The following ZDHHC2 variants were observed in gnomAD, a reference collection of about 807,000 sequenced individuals.
The protein encoded by ZDHHC2 is zDHHC palmitoyltransferase 2.
Under a neutral mutation model 55.6 loss-of-function variants are expected in ZDHHC2, and 51 were observed. That is an observed-to-expected ratio of 0.92 (90% CI 0.73 to 1.16). The LOEUF is 1.16. Ranked by LOEUF, ZDHHC2 falls within the 50% of genes most tolerant of loss-of-function variation. ZDHHC2 has a pLI of 0.00. For synonymous variants in ZDHHC2, 199 were observed against 152.9 expected (o/e 1.30, Z -2.22); for missense variants, 491 against 442.4 (o/e 1.11, Z -0.99).
intron 4 of ZDHHC2, among the ~76,000 whole-genome samples, chr8:17,196,334 T>A (rs1430044410): frequency 6.6e-6 from 1 of 152,108 alleles, no homozygotes; most frequent in East Asian, 1.9e-4. Context: ...CAAACTGACA[T>A]GTGCTCTAAG....
intron 1 of ZDHHC2, among the ~76,000 whole-genome samples, chr8:17,160,876 T>G (rs1319175817): frequency 3.9e-5 from 6 of 152,224 alleles, no homozygotes; most frequent in Admixed American, 2.6e-4. Flanking sequence ...ACAAAAATAT[T>G]TGGCCAATCT....
At chr8:17,189,416 A>G (rs1174933336) in intron 3 of ZDHHC2, among the ~76,000 whole-genome samples, 2 of 152,202 alleles carry the variant, frequency 1.3e-5, no homozygotes, top group African/African-American at 2.4e-5. Context: ...GTTAGAATGT[A>G]GGTTCCATAA....
At chr8:17,179,074 C>T (rs1805301252) in intron 1 of ZDHHC2, among the ~76,000 whole-genome samples, 1 of 152,202 alleles carries the variant, frequency 6.6e-6, no homozygotes, top group Non-Finnish European at 1.5e-5. Context: ...CCTCAGCCTC[C>T]CGAGTAGCTG....
At chr8:17,198,780 T>C (rs1806457701) in intron 6 of ZDHHC2, among the ~76,000 whole-genome samples, 1 of 152,190 alleles carries the variant, frequency 6.6e-6, no homozygotes, top group South Asian at 2.1e-4. Context: ...TATAAAGAAT[T>C]AAGTCATCAA....
intron 1 of ZDHHC2, among the ~76,000 whole-genome samples, chr8:17,171,599 A>G (rs539038390): frequency 9.9e-5 from 15 of 152,224 alleles, no homozygotes; most frequent in African/African-American, 3.1e-4. Context: ...CCAGCCTTCA[A>G]TTAGATAAGT....
intron 4 of ZDHHC2, among the ~76,000 whole-genome samples, chr8:17,196,040 CATAT>C (rs1012196495): frequency 3.3e-5 from 5 of 152,078 alleles, no homozygotes; most frequent in African/African-American, 1.2e-4. Flanking sequence ...TTAGAACAGT[CATAT>C]AGGTGATGTA....
At chr8:17,218,420 C>G (rs982344490) in intron 12 of ZDHHC2, among the ~76,000 whole-genome samples, 2 of 151,962 alleles carry the variant, frequency 1.3e-5, no homozygotes, top group Non-Finnish European at 2.9e-5. Flanking sequence ...TTGAAATCAT[C>G]AGTTGCAATA....
intron 3 of ZDHHC2, among the ~76,000 whole-genome samples, chr8:17,189,269 G>A (rs190296829): frequency 3.3e-5 from 5 of 151,652 alleles, no homozygotes; most frequent in Admixed American, 1.3e-4. Flanking sequence ...TGTCTGTGAT[G>A]ACTCAACATA....
At chr8:17,203,804 T>G (rs371386132) in intron 6 of ZDHHC2, among the ~76,000 whole-genome samples, 1 of 102,832 alleles carries the variant, frequency 9.7e-6, no homozygotes, top group Admixed American at 1.4e-4. Context: ...TGGCTTCTTT[T>G]TTTTCTTTTT....
At chr8:17,165,863 G>A (rs912584569) in intron 1 of ZDHHC2, among the ~76,000 whole-genome samples, 2 of 152,178 alleles carry the variant, frequency 1.3e-5, no homozygotes, top group Admixed American at 6.5e-5. Flanking sequence ...ATTTAACCAT[G>A]CGGGTATTGT....
At chr8:17,206,517 G>T (rs898345000) in intron 7 of ZDHHC2, among the ~76,000 whole-genome samples, 1 of 152,110 alleles carries the variant, frequency 6.6e-6, no homozygotes. Context: ...CAAATAACGA[G>T]AATTGATGAC....
intron 6 of ZDHHC2, among the ~76,000 whole-genome samples, chr8:17,198,800 A>G (rs920389928): frequency 2.0e-5 from 3 of 152,226 alleles, no homozygotes; most frequent in Non-Finnish European, 2.9e-5. Context: ...AAAGCTTTTT[A>G]ACAATTTATT....
chr8:17,156,740 C>A lies in ZDHHC2; in HGVS notation c.17C>A (p.Pro6Gln), dbSNP rs750158072. The A allele has an allele frequency of 6.7e-7, 1 of 1,489,856 alleles. No individual in the cohort carries two copies. Among genetic ancestry groups the A allele is most frequent in the South Asian group, 1.3e-5 (1 of 79,362 alleles). 92.3% of individuals were successfully genotyped at this position (1,489,856 alleles called of 1,614,324 possible). ...GGCTGGAAGATGGCGCCCTCGGGCC[C>A]GGGCAGCAGCGCCAGGCGGCGGTGC... MAPSG[P>Q]GSSARRRCRR... The change falls in exon 1 of 13, where the codon CCG (proline) becomes CAG (glutamine). Residue 6 changes from proline (P) to glutamine (Q), a missense_variant. By Grantham distance (76) the Pro-to-Gln change is moderately conservative (BLOSUM62 -1). Transcript: ENST00000262096.
chr8:17,166,225 G>A (rs747649974), intron 1 of ZDHHC2, among the ~76,000 whole-genome samples: 24 of 152,308 alleles, frequency 1.6e-4, no homozygotes, highest in Middle Eastern at 3.4e-3. Flanking sequence ...GTGTGAAACC[G>A]TGGCGTGGGC....
At chr8:17,201,208 G>A (rs145090629) in intron 6 of ZDHHC2, among the ~76,000 whole-genome samples, 70 of 152,128 alleles carry the variant, frequency 4.6e-4, no homozygotes, top group Middle Eastern at 3.4e-3. Flanking sequence ...GATTGTTAAC[G>A]TCATGGCACT....
chr8:17,192,767 T>G (rs1806101394), intron 3 of ZDHHC2, among the ~76,000 whole-genome samples: 1 of 152,258 alleles, frequency 6.6e-6, no homozygotes, highest in Non-Finnish European at 1.5e-5. Flanking sequence ...GTCTTAGATT[T>G]AAGTCTTTAA....
chr8:17,215,238 C>T lies in ZDHHC2; in HGVS notation c.952C>T (p.Leu318Phe). The T allele has an allele frequency of 6.3e-7, 1 of 1,582,018 alleles. No homozygotes were observed. Reference protein sequence around the residue: ...PAGLNSTAKNLENHQFPAKPL... With the variant: ...PAGLNSTAKNFENHQFPAKPL... ...GATGATTATTCAATTATTATTCAGTCTCGAAAACCATCAGTTTCCTGCAAA... is the reference window on the plus strand; with the variant it reads ...GATGATTATTCAATTATTATTCAGTTTCGAAAACCATCAGTTTCCTGCAAA... The change falls in exon 11 of 13, where the codon CTC becomes TTC. Residue 318 changes from leucine (L) to phenylalanine (F), a missense_variant and splice_region_variant. Transcript: ENST00000262096.
rs1260089831 is a variant in ZDHHC2, at chr8:17,184,789, T to C, written c.131T>C (p.Val44Ala). The change falls in exon 2 of 13, where the codon GTG (valine) becomes GCG (alanine). Residue 44 changes from valine (V) to alanine (A), a missense_variant and splice_region_variant. Physicochemically the swap from Val to Ala is moderately conservative, Grantham distance 64. Transcript: ENST00000262096. ...CTATTACCTTTTTTTCTCTTTACAG[T>C]GTCCATGGAAAACACTGGCGAACAA... ...YYAYAIQLCI[V>A]SMENTGEQVV... The C allele has an allele frequency of 1.9e-6, 3 of 1,550,706 alleles. No individual in the cohort carries two copies. The highest frequency in any genetic ancestry group is 2.6e-6 in the Non-Finnish European group (3 of 1,146,510).
At chr8:17,206,286 G>A (rs898061265) in intron 7 of ZDHHC2, among the ~76,000 whole-genome samples, 2 of 152,148 alleles carry the variant, frequency 1.3e-5, no homozygotes, top group Non-Finnish European at 2.9e-5. Context: ...ATGAGTTATA[G>A]TACTGTTAGC....
Sources: allele counts gnomAD v4.1 joint callset (sites outside exome capture counted in the v4.1 genomes callset), GRCh38; gene constraint gnomAD v4.1.1; transcripts MANE v1.5; gene names NCBI Gene and HGNC (gene_info 2026-07-23, HGNC 2026-07-21).